TNIP3: variants seen among roughly 807,000 people sequenced by gnomAD.
TNIP3 encodes the protein TNFAIP3 interacting protein 3, also known as TNFAIP3-interacting protein 3.
TNIP3 carries 34 observed loss-of-function variants against 54.1 expected under a neutral mutation model. That is an observed-to-expected ratio of 0.63 (90% CI 0.48 to 0.84). The LOEUF (loss-of-function observed/expected upper bound fraction) is 0.84. TNIP3 is among the 40% of genes least tolerant of loss of function. The pLI, the probability that TNIP3 is intolerant of heterozygous loss-of-function variation, is 0.00. For synonymous variants in TNIP3, 134 were observed against 136.8 expected (o/e 0.98, Z 0.14); for missense variants, 366 against 387.6 (o/e 0.94, Z 0.47).
At chr4:121,145,727 A>T (rs1396370072) in intron 7 of TNIP3, among the ~76,000 whole-genome samples, 1 of 151,684 alleles carries the variant, frequency 6.6e-6, no homozygotes, top group Admixed American at 6.6e-5. Flanking sequence ...AATTGCTTTA[A>T]AAAACAAATA....
intron 2 of TNIP3, among the ~76,000 whole-genome samples, chr4:121,198,851 G>C (rs1725733885): frequency 6.6e-6 from 1 of 152,152 alleles, no homozygotes; most frequent in Non-Finnish European, 1.5e-5. Flanking sequence ...ATGATGGCCT[G>C]AGCTGTCATA....
intron 2 of TNIP3, among the ~76,000 whole-genome samples, chr4:121,214,198 T>C (rs1248854952): frequency 6.6e-6 from 1 of 152,158 alleles, no homozygotes; most frequent in Non-Finnish European, 1.5e-5. Context: ...GACAAAGACA[T>C]GGACCGCGGC....
intron 2 of TNIP3, among the ~76,000 whole-genome samples, chr4:121,213,227 T>C (rs989367761): frequency 6.6e-6 from 1 of 152,214 alleles, no homozygotes; most frequent in African/African-American, 2.4e-5. Flanking sequence ...GAAAAACTGA[T>C]GGCATTCGAT....
At chr4:121,211,586 A>G (rs1726482189) in intron 2 of TNIP3, among the ~76,000 whole-genome samples, 1 of 152,224 alleles carries the variant, frequency 6.6e-6, no homozygotes, top group African/African-American at 2.4e-5. Context: ...TCAGAGTAGC[A>G]CAGAGAGTTG....
intron 1 of TNIP3, among the ~76,000 whole-genome samples, chr4:121,222,863 T>G (rs1727093672): frequency 7.3e-6 from 1 of 136,856 alleles, no homozygotes; most frequent in Non-Finnish European, 1.5e-5. Flanking sequence ...TAGAGTGCAG[T>G]GGCGCGATCT....
chr4:121,173,799 T>A (rs1724134289), intron 3 of TNIP3, among the ~76,000 whole-genome samples: 1 of 152,172 alleles, frequency 6.6e-6, no homozygotes, highest in African/African-American at 2.4e-5. Flanking sequence ...CAGCTAATTT[T>A]TTTGTAATTT....
chr4:121,181,807 T>C (rs560212813), intron 3 of TNIP3, among the ~76,000 whole-genome samples: 1 of 152,260 alleles, frequency 6.6e-6, no homozygotes, highest in South Asian at 2.1e-4. Flanking sequence ...AATTTATGGA[T>C]GCAAATTAGT....
At chr4:121,169,023 T>A (rs1300157419), upstream of TNIP3, among the ~76,000 whole-genome samples, 1 of 152,080 alleles carries the variant, frequency 6.6e-6, no homozygotes, top group Non-Finnish European at 1.5e-5. Flanking sequence ...TTTTCCTGCT[T>A]CTATTTTTGC....
chr4:121,217,180 A>G (rs1303316980), upstream of TNIP3, among the ~76,000 whole-genome samples: 2 of 152,186 alleles, frequency 1.3e-5, no homozygotes, highest in African/African-American at 4.8e-5. Flanking sequence ...GAATCTTGAG[A>G]TTGAAGAATT....
intron 9 of TNIP3, among the ~76,000 whole-genome samples, chr4:121,140,288 C>T (rs6839726): frequency 0.25 from 38,082 of 151,754 alleles, 5,199 homozygotes; most frequent in African/African-American, 0.35. Context: ...GAGCCAAGAT[C>T]GCACCACTGC....
intron 7 of TNIP3, 55 bp downstream of exon 7, chr4:121,146,994 A>C: frequency 2.6e-6 from 4 of 1,548,936 alleles, no homozygotes; most frequent in Non-Finnish European, 3.5e-6. Flanking sequence ...GAATTTTTTT[A>C]AATGAAAAAA....
chr4:121,165,993 T>C (rs1730747148), upstream of TNIP3, among the ~76,000 whole-genome samples: 2 of 152,194 alleles, frequency 1.3e-5, no homozygotes, highest in South Asian at 4.1e-4. Flanking sequence ...TTTTATATAG[T>C]GTAAGGTTCT....
chr4:121,177,450 C>A (rs1252172991), intron 3 of TNIP3, among the ~76,000 whole-genome samples: 2 of 152,196 alleles, frequency 1.3e-5, no homozygotes, highest in Non-Finnish European at 2.9e-5. Flanking sequence ...CTGTTCATTT[C>A]TCTTATAGTA....
chr4:121,133,185 C>CA (rs1269770219), intron 10 of TNIP3, among the ~76,000 whole-genome samples: 1 of 152,078 alleles, frequency 6.6e-6, no homozygotes, highest in Non-Finnish European at 1.5e-5. Context: ...ACATGAAAGA[C>CA]AAAGTCAAAT....
chr4:121,211,557 G>A (rs1226000460), intron 2 of TNIP3, among the ~76,000 whole-genome samples: 1 of 152,126 alleles, frequency 6.6e-6, no homozygotes, highest in Non-Finnish European at 1.5e-5. Context: ...TTCACTTAGT[G>A]CATTTACACA....
chr4:121,133,224 A>G (rs1728579876), intron 10 of TNIP3, among the ~76,000 whole-genome samples: 1 of 152,244 alleles, frequency 6.6e-6, no homozygotes, highest in South Asian at 2.1e-4. Flanking sequence ...AGGAAAAAAT[A>G]ATCATAGAAA....
chr4:121,182,279 A>G (rs976329388), intron 3 of TNIP3, among the ~76,000 whole-genome samples: 2 of 152,198 alleles, frequency 1.3e-5, no homozygotes, highest in African/African-American at 4.8e-5. Context: ...TTCTTACAAA[A>G]ATACAAAACG....
At chr4:121,176,295 C>T (rs1724327941) in intron 3 of TNIP3, among the ~76,000 whole-genome samples, 1 of 152,142 alleles carries the variant, frequency 6.6e-6, no homozygotes, top group Non-Finnish European at 1.5e-5. Flanking sequence ...AACATGCAGG[C>T]AGAGCTTTTC....
At chr4:121,193,679 A>AG (rs1326825269) in intron 2 of TNIP3, among the ~76,000 whole-genome samples, 3 of 152,148 alleles carry the variant, frequency 2.0e-5, no homozygotes, top group Non-Finnish European at 2.9e-5. Context: ...AATGAATACT[A>AG]GGGGAAATGT....
Sources: gnomAD v4.1 joint callset for allele counts (sites outside exome capture counted in the v4.1 genomes callset) on GRCh38, gnomAD v4.1.1 for gene constraint, MANE v1.5 for transcripts, NCBI Gene and HGNC (gene_info 2026-07-23, HGNC 2026-07-21) for gene names.